Variants in STAG1 observed in about 807,000 individuals in gnomAD.
STAG1 encodes the protein cohesin subunit SA-1.
Under a neutral mutation model 170.9 loss-of-function variants are expected in STAG1, and 26 were observed. The ratio of observed to expected loss-of-function variants is 0.15; its 90% CI spans 0.11 to 0.21. The LOEUF is 0.21. STAG1 is among the 10% of genes least tolerant of loss of function. The pLI is 1.00. For missense variants in STAG1, 964 were observed against 1,509.5 expected, an observed-to-expected ratio of 0.64 and a Z score of 5.99; for synonymous variants, 514 against 497.7, an observed-to-expected ratio of 1.03 and a Z score of -0.44.
Position 136,739,039 on chromosome 3 carries a change from T to C in STAG1, c.-84+13156A>G, listed in dbSNP as rs561798511. ...CCAAGATAATTATTACATAATGGAA[T>C]AGGGAAGAAAATCAAATCTCCCTAA... On this transcript the variant is annotated intron_variant, in intron 1 of 33. Coordinates refer to ENST00000383202, the MANE Select transcript of STAG1 (RefSeq NM_005862.3). 6.6e-5 allele frequency among the ~76,000 whole-genome samples: 10 copies of C among 152,288 alleles called. No individual in the cohort carries two copies. The South Asian group carries it at 1.0e-3, about 16-fold the overall frequency.
intron 1 of STAG1, among the ~76,000 whole-genome samples, chr3:136,704,554 G>A (rs1431647895): frequency 1.3e-5 from 2 of 151,990 alleles, no homozygotes; most frequent in Non-Finnish European, 2.9e-5. Context: ...ATGGCCGGGA[G>A]TAGTGGCTCA....
chr3:136,359,776 T>C (rs1247003700), intron 26 of STAG1, among the ~76,000 whole-genome samples: 1 of 152,226 alleles, frequency 6.6e-6, no homozygotes, highest in Admixed American at 6.5e-5. Context: ...CCCAAAATGC[T>C]GGGATTACAG....
intron 9 of STAG1, among the ~76,000 whole-genome samples, chr3:136,498,209 A>T (rs867581575): frequency 0.016 from 109 of 6,924 alleles, no homozygotes; most frequent in African/African-American, 0.026. Flanking sequence ...AAAAAAAAAA[A>T]TTATATATAT....
At chr3:136,392,643 G>A (rs1484953266) in intron 22 of STAG1, among the ~76,000 whole-genome samples, 1 of 151,814 alleles carries the variant, frequency 6.6e-6, no homozygotes, top group Non-Finnish European at 1.5e-5. Context: ...GCATGCGCCT[G>A]TAGTCCCAGC....
At chr3:136,397,431 T>C (rs934047549) in intron 22 of STAG1, among the ~76,000 whole-genome samples, 1 of 148,710 alleles carries the variant, frequency 6.7e-6, no homozygotes, top group African/African-American at 2.4e-5. Context: ...GAACACTTAA[T>C]CAAAATCTCA....
chr3:136,701,565 G>A (rs970691354), intron 1 of STAG1, among the ~76,000 whole-genome samples: 7 of 152,074 alleles, frequency 4.6e-5, no homozygotes, highest in Admixed American at 2.0e-4. Context: ...TCCTACCTCT[G>A]CCACTTAACA....
chr3:136,404,099 A>C (rs2087413363), intron 21 of STAG1, among the ~76,000 whole-genome samples: 1 of 152,190 alleles, frequency 6.6e-6, no homozygotes, highest in Admixed American at 6.5e-5. Context: ...CTTGTCCAGA[A>C]ATCATTGTTC....
intron 24 of STAG1, among the ~76,000 whole-genome samples, chr3:136,368,305 G>A (rs1937158063): frequency 6.6e-6 from 1 of 152,102 alleles, no homozygotes; most frequent in African/African-American, 2.4e-5. Flanking sequence ...TGTATTCTAA[G>A]TGAACTTATT....
chr3:136,612,582 A>G (rs1029918636), intron 3 of STAG1, among the ~76,000 whole-genome samples: 2 of 152,246 alleles, frequency 1.3e-5, no homozygotes, highest in African/African-American at 4.8e-5. Flanking sequence ...AGCTCCAGCT[A>G]TGCAGAAGGA....
At chr3:136,379,981 T>G (rs187445369) in intron 22 of STAG1, among the ~76,000 whole-genome samples, 1 of 151,050 alleles carries the variant, frequency 6.6e-6, no homozygotes, top group Non-Finnish European at 1.5e-5. Flanking sequence ...TGATGTGGAA[T>G]AGGCCAGTTA....
chr3:136,344,882 G>A (rs1304673395), intron 29 of STAG1, among the ~76,000 whole-genome samples: 1 of 152,028 alleles, frequency 6.6e-6, no homozygotes, highest in Non-Finnish European at 1.5e-5. Context: ...TCAAAGTGCT[G>A]AGATTATAGG....
intron 1 of STAG1, among the ~76,000 whole-genome samples, chr3:136,677,953 A>T (rs896805999): frequency 6.8e-6 from 1 of 147,562 alleles, no homozygotes; most frequent in East Asian, 1.9e-4. Flanking sequence ...TATATTTTAT[A>T]TATGTATATA....
intron 28 of STAG1, among the ~76,000 whole-genome samples, chr3:136,356,561 T>G (rs571320760): frequency 8.5e-5 from 13 of 152,068 alleles, no homozygotes; most frequent in African/African-American, 3.1e-4. Flanking sequence ...TAAAATTTTT[T>G]TATAGAGATG....
chr3:136,610,175 T>C (rs1385183105), intron 3 of STAG1, among the ~76,000 whole-genome samples: 2 of 152,150 alleles, frequency 1.3e-5, no homozygotes, highest in Admixed American at 6.6e-5. Context: ...TAGCTGGGAC[T>C]ACAGGTGCCC....
rs545595807 is a variant in STAG1, at chr3:136,442,898, T to C, written c.1546+389A>G. Reference sequence around the variant, plus strand: ...AAAATTAGCTGAGTGTGGTGGCATGTGCCCATAGTCTGAGGTGGGAGGATC... The same window carrying C: ...AAAATTAGCTGAGTGTGGTGGCATGCGCCCATAGTCTGAGGTGGGAGGATC... On this transcript the variant is annotated intron_variant, in intron 15 of 33. Coordinates refer to ENST00000383202, the MANE Select transcript of STAG1 (RefSeq NM_005862.3). Among the ~76,000 whole-genome samples, 6 of 152,280 alleles carry C rather than the reference T, an allele frequency of 3.9e-5. No individual in the cohort carries two copies. The South Asian group carries it at 8.3e-4, about 21-fold the overall frequency.
chr3:136,378,999 C>G (rs1470959265), intron 22 of STAG1, among the ~76,000 whole-genome samples: 3 of 152,088 alleles, frequency 2.0e-5, no homozygotes, highest in Non-Finnish European at 4.4e-5. Context: ...TCTTTACATC[C>G]CAAATAATGA....
intron 1 of STAG1, among the ~76,000 whole-genome samples, chr3:136,646,328 G>A (rs903563564): frequency 2.0e-5 from 3 of 152,096 alleles, no homozygotes; most frequent in Non-Finnish European, 4.4e-5. Flanking sequence ...CTTTGTATTT[G>A]TCCGTGGCTC....
intron 7 of STAG1, chr3:136,518,557 A>G (rs1934496928): frequency 1.7e-6 from 1 of 596,446 alleles, no homozygotes; most frequent in Non-Finnish European, 3.0e-6. Context: ...AGTTCTCAGC[A>G]AGCCCTCTGT....
intron 13 of STAG1, among the ~76,000 whole-genome samples, chr3:136,459,657 A>G (rs1334160286): frequency 2.0e-5 from 3 of 152,208 alleles, no homozygotes; most frequent in Non-Finnish European, 4.4e-5. Flanking sequence ...TTGAATGCAT[A>G]TTGAGTATCT....
Sources: gnomAD v4.1 joint callset for allele counts (sites outside exome capture counted in the v4.1 genomes callset) on GRCh38, gnomAD v4.1.1 for gene constraint, MANE v1.5 for transcripts, NCBI Gene and HGNC (gene_info 2026-07-23, HGNC 2026-07-21) for gene names.